The following CSF2RA variants were observed in gnomAD, a reference collection of about 807,000 sequenced individuals.
The protein encoded by CSF2RA is granulocyte-macrophage colony-stimulating factor receptor subunit alpha.
CSF2RA carries 42 observed loss-of-function variants against 51.6 expected under a neutral mutation model. That is an observed-to-expected ratio of 0.81 (90% CI 0.64 to 1.05). The LOEUF is 1.05. Ranked by LOEUF, CSF2RA falls within the 50% of genes least tolerant of loss-of-function variation. CSF2RA has a pLI of 0.00. For missense variants in CSF2RA, 530 were observed against 501.1 expected, an observed-to-expected ratio of 1.06 and a Z score of -0.55; for synonymous variants, 222 against 193.0, an observed-to-expected ratio of 1.15 and a Z score of -1.24.
chrX:1,323,182 A>T, the CSF2RA span, among the ~76,000 whole-genome samples: 4 of 151,290 alleles, frequency 2.6e-5, no homozygotes, highest in East Asian at 7.9e-4. Context: ...AAATAAAATA[A>T]AATATAAAAT....
At chrX:1,320,892 TAC>T in the CSF2RA span, among the ~76,000 whole-genome samples, 3 of 151,340 alleles carry the variant, frequency 2.0e-5, no homozygotes, top group East Asian at 5.9e-4. Flanking sequence ...CAAGTTCGAG[TAC>T]AGTGGCGCGA....
chrX:1,304,078 G>C, intron 11 of CSF2RA, 59 bp downstream of exon 11: 1 of 1,365,976 alleles, frequency 7.3e-7, no homozygotes, highest in East Asian at 2.3e-5. Context: ...GGAGGAAAGC[G>C]CTTTGTCCAG....
chrX:1,304,573 G>C (rs373821202), intron 11 of CSF2RA, among the ~76,000 whole-genome samples: 35 of 151,802 alleles, frequency 2.3e-4, no homozygotes, highest in African/African-American at 8.2e-4. Flanking sequence ...TTGAAGGGCT[G>C]AGCTCCAGAG....
Position 1,309,900 on chromosome X carries a change from A to G in CSF2RA, c.*421A>G, listed in dbSNP as rs1301851587. On this transcript the variant is annotated 3_prime_UTR_variant, in exon 13 of 13. Transcript: ENST00000381529. ...AAGATTGCATCTCAAAACAAACAAT[A>G]ATAATAAATAATAAAAACCTGATAT... 1.7e-6 allele frequency: 1 copy of G among 573,522 alleles called. No homozygotes were observed. Among genetic ancestry groups the G allele is most frequent in the Admixed American group, 3.1e-5 (1 of 32,012 alleles). 35.5% of individuals were successfully genotyped at this position (573,522 alleles called of 1,614,324 possible).
chrX:1,314,307 G>GCCTGCCCAACCACACTGCA (rs1267713700), downstream of CSF2RA, among the ~76,000 whole-genome samples: 2 of 30,338 alleles, frequency 6.6e-5, no homozygotes, highest in East Asian at 1.2e-3. Flanking sequence ...ACCACTCTGT[G>GCCTGCCCAACCACACTGCA]CCTGCCCAAC....
chrX:1,269,494 GC>G (rs1569485995), intron 1 of CSF2RA, among the ~76,000 whole-genome samples: 1 of 151,792 alleles, frequency 6.6e-6, no homozygotes, highest in African/African-American at 2.4e-5. Context: ...GTGGTGGCAG[GC>G]ACCTGTAATC....
intron 12 of CSF2RA, chrX:1,306,085 AG>A (rs2083539639): frequency 2.8e-6 from 1 of 360,654 alleles, no homozygotes; most frequent in Non-Finnish European, 5.2e-6. Context: ...CCATCTCAAA[AG>A]AAAAAAGAAG....
Position 1,285,902 on chromosome X carries a change from C to G in CSF2RA, c.201C>G (p.Asn67Lys), listed in dbSNP as rs765334471. The G allele has an allele frequency of 1.6e-5, 26 of 1,613,712 alleles. No homozygotes were observed. Among genetic ancestry groups the G allele is most frequent in the Non-Finnish European group, 2.2e-5 (26 of 1,179,850 alleles). The change falls in exon 4 of 13, where the codon AAC (asparagine) becomes AAG (lysine). Residue 67 changes from asparagine (N) to lysine (K), a missense_variant. Transcript: ENST00000381529. ...AGTGTTTCTTAACTGACAAGAAGAA[C>G]AGAGTCGTGGAACCCAGGGTGAGAC... ...FSKCFLTDKK[N>K]RVVEPRLSNN...
chrX:1,294,184 C>T lies in CSF2RA; in HGVS notation c.647-144C>T, dbSNP rs2148479307. ...CAAAGAGGTGTCCCTACTCCACCTC[C>T]ACCTGGACCCAGTGTAGACAGGACC... On this transcript the variant is annotated intron_variant, in intron 7 of 12. Coordinates refer to ENST00000381529, the MANE Select transcript of CSF2RA (RefSeq NM_172245.4). 8 of 1,010,080 alleles carry T rather than the reference C, an allele frequency of 7.9e-6. 1 individual carries two copies. The highest frequency in any genetic ancestry group is 3.1e-4 in the Middle Eastern group (1 of 3,212). 62.6% of individuals were successfully genotyped at this position (1,010,080 alleles called of 1,614,324 possible). A position where few individuals can be genotyped will look rare whatever the true frequency, so the allele number is the denominator to read the frequency against.
downstream of CSF2RA, among the ~76,000 whole-genome samples, chrX:1,310,752 T>G (rs1178615112): frequency 6.6e-6 from 1 of 152,064 alleles, no homozygotes; most frequent in Non-Finnish European, 1.5e-5. Flanking sequence ...CGGTTCCTTC[T>G]GGAGGACAAA....
At chrX:1,305,333 G>A in intron 11 of CSF2RA, 113 bp from the exon 12 acceptor site, 5 of 1,191,824 alleles carry the variant, frequency 4.2e-6, no homozygotes, top group South Asian at 3.7e-5. Flanking sequence ...GTGAAGTTTT[G>A]CATAGTTGAG....
At position 1,285,868 on chromosome X, in the gene CSF2RA, C is replaced by G; in HGVS notation, c.167C>G (p.Thr56Ser). ...NLSWDCQENT[T>S]FSKCFLTDKK... ...AGCTGGGACTGCCAAGAAAACACAACCTTCAGCAAGTGTTTCTTAACTGAC... is the reference window on the plus strand; with the variant it reads ...AGCTGGGACTGCCAAGAAAACACAAGCTTCAGCAAGTGTTTCTTAACTGAC... The change falls in exon 4 of 13, where the codon ACC (threonine) becomes AGC (serine). Residue 56 changes from threonine to serine, a missense_variant. Transcript: ENST00000381529. 6.2e-7 allele frequency: 1 copy of G among 1,613,908 alleles called. No homozygotes were observed. The highest frequency in any genetic ancestry group is 8.5e-7 in the Non-Finnish European group (1 of 1,179,860).
Position 1,300,660 on chromosome X carries a change from C to G in CSF2RA, c.946+34C>G, listed in dbSNP as rs370354308. 5.5e-4 allele frequency: 892 copies of G among 1,613,664 alleles called. 1 individual carries two copies. Among genetic ancestry groups the G allele is most frequent in the Non-Finnish European group, 7.1e-4 (838 of 1,179,830 alleles). ...TGGGCGGAGGTAAGGGATGTTTGTG[C>G]CGTCTGCGGCCACCCTGCAGCAGGC... On this transcript the variant is annotated intron_variant, in intron 10 of 12. Transcript: ENST00000381529.
intron 5 of CSF2RA, 58 bp downstream of exon 5, chrX:1,288,700 T>A: frequency 6.2e-7 from 1 of 1,613,882 alleles, no homozygotes; most frequent in Non-Finnish European, 8.5e-7. Flanking sequence ...CCCGCCAGCA[T>A]CAAAGTACAT....
chrX:1,287,376 A>G (rs1479863453), intron 4 of CSF2RA, among the ~76,000 whole-genome samples: 1 of 147,896 alleles, frequency 6.8e-6, no homozygotes, highest in Non-Finnish European at 1.5e-5. Context: ...CTGGTCTCCA[A>G]CTCCTGACCT....
Position 1,276,267 on chromosome X carries a change from C to G in CSF2RA, c.-27+1449C>G, listed in dbSNP as rs769108772. ...CAGGCTGGTCTCGAACTCCTGACCT[C>G]ACATGATCTGCCTGCCTCAGCCTCC... On this transcript the variant is annotated intron_variant, in intron 2 of 12. Transcript: ENST00000381529. 3.9e-5 allele frequency among the ~76,000 whole-genome samples: 6 copies of G among 152,200 alleles called. No homozygotes were observed. In the East Asian group the frequency reaches 9.6e-4, roughly 24 times the overall value.
chrX:1,300,013 C>T (rs1307589506), intron 9 of CSF2RA, among the ~76,000 whole-genome samples: 4 of 151,518 alleles, frequency 2.6e-5, no homozygotes, highest in East Asian at 1.9e-4. Flanking sequence ...GTGAGGAGAT[C>T]GAGACCATCC....
At chrX:1,269,481 A>G (rs2088051891) in intron 1 of CSF2RA, among the ~76,000 whole-genome samples, 1 of 151,914 alleles carries the variant, frequency 6.6e-6, no homozygotes, top group Non-Finnish European at 1.5e-5. Context: ...TTAGCCGGGC[A>G]TGGTGGTGGC....
intron 8 of CSF2RA, among the ~76,000 whole-genome samples, 183 bp from the exon 9 acceptor site, chrX:1,295,244 G>A (rs2091831857): frequency 6.6e-6 from 1 of 151,998 alleles, no homozygotes; most frequent in East Asian, 1.9e-4. Flanking sequence ...AGACTTCTGT[G>A]TTTGCAGCTC....
Sources: allele counts gnomAD v4.1 joint callset (sites outside exome capture counted in the v4.1 genomes callset), GRCh38; gene constraint gnomAD v4.1.1; transcripts MANE v1.5; gene names NCBI Gene and HGNC (gene_info 2026-07-23, HGNC 2026-07-21).